ENOSF1: variants seen among roughly 807,000 people sequenced by gnomAD.
The protein encoded by ENOSF1 is mitochondrial enolase superfamily member 1.
A neutral mutation model predicts 68.2 loss-of-function variants in ENOSF1; 73 were observed. That is an observed-to-expected ratio of 1.07 (90% confidence interval 0.89 to 1.30). The LOEUF (loss-of-function observed/expected upper bound fraction) is 1.30, where lower values mean the gene tolerates loss of function less well. Among genes scored for constraint, ENOSF1 ranks in the 50% most tolerant of loss-of-function variants. The pLI is 0.00. For synonymous variants in ENOSF1, 223 were observed against 210.4 expected, an observed-to-expected ratio of 1.06 and a Z score of -0.52; for missense variants, 589 against 554.5, an observed-to-expected ratio of 1.06 and a Z score of -0.62.
Position 686,018 on chromosome 18 carries a change from G to A in ENOSF1, c.654-10C>T, listed in dbSNP as rs1411731958. The A allele has an allele frequency of 2.5e-6, 4 of 1,610,552 alleles. No homozygotes were observed. Among genetic ancestry groups the A allele is most frequent in the African/African-American group, 2.7e-5 (2 of 74,850 alleles). On this transcript the variant is annotated splice_polypyrimidine_tract_variant and intron_variant, in intron 9 of 15. Coordinates refer to ENST00000647584, the MANE Select transcript of ENOSF1 (RefSeq NM_017512.7). ...CACCTTTACTTTAAACCTAGAAAAT[G>A]CATTTGGTTTGCTAGTTTAGACCTG... is the stretch of plus-strand genomic sequence containing the variant.
intron 11 of ENOSF1, among the ~76,000 whole-genome samples, chr18:680,930 C>T (rs2076015192): frequency 6.6e-6 from 1 of 151,970 alleles, no homozygotes; most frequent in Non-Finnish European, 1.5e-5. Flanking sequence ...ACTGCAAGCT[C>T]CTCCTCCTGG....
chr18:677,418 C>A lies in ENOSF1; in HGVS notation c.1075G>T (p.Val359Phe), dbSNP rs145955718. 1 of 1,613,758 alleles carries A rather than the reference C, an allele frequency of 6.2e-7. No homozygotes were observed. Among genetic ancestry groups the A allele is most frequent in the Admixed American group, 1.7e-5 (1 of 59,838 alleles). The change falls in exon 14 of 16, where the codon GTT becomes TTT. Residue 359 changes from valine to phenylalanine, a missense_variant. By Grantham distance (50) the Val-to-Phe change is conservative. Coordinates refer to ENST00000647584, the MANE Select transcript of ENOSF1 (RefSeq NM_017512.7). ...EIPVCPHAGG[V>F]GLCELVQHLI... Reference sequence around the variant, plus strand: ...TGCTGCACCAGTTCACAGAGGCCAACTCCACCAGCATGGGGGCAAACAGGA... The same window carrying A: ...TGCTGCACCAGTTCACAGAGGCCAAATCCACCAGCATGGGGGCAAACAGGA...
chr18:669,049 C>T, downstream of ENOSF1: 1 of 1,589,750 alleles, frequency 6.3e-7, no homozygotes, highest in Non-Finnish European at 8.6e-7. Context: ...TGTACCTGTC[C>T]TCTCTTTTTG....
At chr18:667,191 AGATGGTGATGGT>A (rs1310449953), downstream of ENOSF1, among the ~76,000 whole-genome samples, 9 of 40,012 alleles carry the variant, frequency 2.2e-4, no homozygotes, top group Non-Finnish European at 3.4e-4. Context: ...ATGGTGATGG[AGATGGTGATGGT>A]GATGGTGATG....
At chr18:666,323 G>A (rs959395466), downstream of ENOSF1, among the ~76,000 whole-genome samples, 5 of 151,888 alleles carry the variant, frequency 3.3e-5, no homozygotes, top group African/African-American at 2.4e-5. Context: ...TCTCCCTTTC[G>A]AGGCTGAGCC....
chr18:665,164 G>A, the ENOSF1 span, among the ~76,000 whole-genome samples: 3 of 151,136 alleles, frequency 2.0e-5, no homozygotes, highest in Non-Finnish European at 4.4e-5. Context: ...CTTTTTGGTT[G>A]GTAAGCTATT....
chr18:693,863 C>A lies in ENOSF1; in HGVS notation c.423+19G>T, dbSNP rs759651676. 9.9e-6 allele frequency: 16 copies of A among 1,613,242 alleles called. No individual in the cohort carries two copies. The highest frequency in any genetic ancestry group is 1.4e-5 in the Non-Finnish European group (16 of 1,179,850). ...ATTTCATTTACAGAAACAATTGTAACATTAACAATGCTACTCACCATGTCC... is the reference window on the plus strand; with the variant it reads ...ATTTCATTTACAGAAACAATTGTAAAATTAACAATGCTACTCACCATGTCC... On this transcript the variant is annotated intron_variant, in intron 5 of 15. Transcript: ENST00000647584.
At position 670,899 on chromosome 18, in the gene ENOSF1, C is replaced by T; in HGVS notation, c.*3406G>A. The T allele has an allele frequency of 1.9e-6, 3 of 1,610,992 alleles. No homozygotes were observed. The highest frequency in any genetic ancestry group is 2.2e-5 in the South Asian group (2 of 90,698). ...TGTCTCGGGAAGGGTGACTTGCCAGCCTACCACACTGAGCTCTTCAGTTCT... is the reference window on the plus strand; with the variant it reads ...TGTCTCGGGAAGGGTGACTTGCCAGTCTACCACACTGAGCTCTTCAGTTCT... On this transcript the variant is annotated 3_prime_UTR_variant, in exon 16 of 16. Coordinates refer to ENST00000647584, the MANE Select transcript of ENOSF1 (RefSeq NM_017512.7).
downstream of ENOSF1, chr18:670,224 C>T (rs1332530260): frequency 6.5e-6 from 1 of 153,534 alleles, no homozygotes; most frequent in Non-Finnish European, 1.4e-5. Context: ...CGGGGTTTCA[C>T]TATGTTGGCC....
chr18:683,296 C>CA lies in ENOSF1; in HGVS notation c.825dup (p.Glu276Ter). ...ATGTCATCAGGGGAGGTTGGCTCCT[C>CA]AATCCACAATGGCTTGAACTTGGCC... On this transcript the variant is annotated frameshift_variant, in exon 11 of 16. Transcript: ENST00000647584. LOFTEE classifies it high-confidence loss of function. 3 of 1,614,168 alleles carry CA rather than the reference C, an allele frequency of 1.9e-6. No homozygotes were observed. In the South Asian group the frequency reaches 3.3e-5, roughly 18 times the overall value.
intron 8 of ENOSF1, among the ~76,000 whole-genome samples, chr18:690,144 T>A (rs2077001933): frequency 6.6e-6 from 1 of 152,020 alleles, no homozygotes; most frequent in Non-Finnish European, 1.5e-5. Flanking sequence ...AATAAATGAG[T>A]AAACATAAGT....
At chr18:710,927 TTTAAG>T (rs1339944204) in intron 1 of ENOSF1, among the ~76,000 whole-genome samples, 1 of 152,180 alleles carries the variant, frequency 6.6e-6, no homozygotes, top group East Asian at 1.9e-4. Flanking sequence ...CTGCTGGGTG[TTTAAG>T]TTATTTACCA....
intron 11 of ENOSF1, among the ~76,000 whole-genome samples, chr18:682,161 C>T (rs567243269): frequency 3.2e-4 from 49 of 152,250 alleles, no homozygotes; most frequent in African/African-American, 1.1e-3. Context: ...CACTGAATGA[C>T]AAGGTTACCC....
chr18:697,123 T>A (rs949474906), intron 3 of ENOSF1, 117 bp downstream of exon 3: 6 of 806,084 alleles, frequency 7.4e-6, no homozygotes, highest in African/African-American at 5.1e-5. Flanking sequence ...TCTCAAAAAA[T>A]AAATAAATAA....
intron 1 of ENOSF1, among the ~76,000 whole-genome samples, chr18:708,980 AG>A (rs1177810670): frequency 1.3e-5 from 2 of 152,158 alleles, no homozygotes; most frequent in Non-Finnish European, 2.9e-5. Context: ...GCCTCAGATG[AG>A]GGTCAACAGG....
chr18:682,655 G>A (rs984930252), intron 11 of ENOSF1, among the ~76,000 whole-genome samples: 2 of 150,570 alleles, frequency 1.3e-5, no homozygotes, highest in Non-Finnish European at 2.9e-5. Context: ...GATGGTCTGA[G>A]GTCAGGAGTT....
downstream of ENOSF1, chr18:669,024 T>C (rs780060533): frequency 6.7e-7 from 1 of 1,482,706 alleles, no homozygotes. Context: ...TCTCATGACA[T>C]GTGTGATTAA....
intron 14 of ENOSF1, among the ~76,000 whole-genome samples, chr18:676,043 T>C (rs1229906611): frequency 6.6e-6 from 1 of 152,184 alleles, no homozygotes; most frequent in Non-Finnish European, 1.5e-5. Context: ...ATACATTCCA[T>C]ACTCCCCACC....
intron 10 of ENOSF1, among the ~76,000 whole-genome samples, chr18:683,600 C>T (rs768964349): frequency 3.9e-5 from 6 of 151,952 alleles, no homozygotes; most frequent in African/African-American, 7.2e-5. Context: ...TAGGAGGAGC[C>T]GTGAATCGCT....
Sources: allele counts gnomAD v4.1 joint callset (sites outside exome capture counted in the v4.1 genomes callset), GRCh38; gene constraint gnomAD v4.1.1; transcripts MANE v1.5; gene names NCBI Gene and HGNC (gene_info 2026-07-23, HGNC 2026-07-21).